KDM2B: variants seen among roughly 807,000 people sequenced by gnomAD.
KDM2B encodes the protein lysine-specific demethylase 2B.
In KDM2B, 26 loss-of-function variants were observed where a neutral mutation model predicts 150.0. The ratio of observed to expected loss-of-function variants is 0.17; its 90% CI spans 0.13 to 0.24. The LOEUF (loss-of-function observed/expected upper bound fraction) is 0.24. Ranked by LOEUF, KDM2B falls within the 10% of genes least tolerant of loss-of-function variation. The probability of loss-of-function intolerance (pLI) is 1.00; values close to 1 mark genes in which losing one functional copy is unlikely to be tolerated. For missense variants in KDM2B, 1,265 were observed against 1,816.9 expected (o/e 0.70, Z 5.52); for synonymous variants, 734 against 729.5 (o/e 1.01, Z -0.10).
chr12:121,545,639 T>A (rs1888975044), intron 6 of KDM2B, among the ~76,000 whole-genome samples: 1 of 152,122 alleles, frequency 6.6e-6, no homozygotes, highest in Admixed American at 6.5e-5. Context: ...TCCCTGCCCG[T>A]CACTCCCAAT....
intron 2 of KDM2B, among the ~76,000 whole-genome samples, chr12:121,576,897 G>A (rs544841597): frequency 6.6e-6 from 1 of 152,144 alleles, no homozygotes; most frequent in Non-Finnish European, 1.5e-5. Context: ...GGAGGAGGAG[G>A]CCAAGACAAC....
the KDM2B span, chr12:121,423,745 A>G: frequency 3.1e-6 from 2 of 637,318 alleles, no homozygotes; most frequent in Admixed American, 6.3e-5. The surrounding 1 kb of genome is among the most constrained non-coding windows in gnomAD (Gnocchi z 4.3). Flanking sequence ...ACATTGGTCC[A>G]TGCCGTGAGC....
At chr12:121,447,533 G>A (rs782770416) in intron 13 of KDM2B, among the ~76,000 whole-genome samples, 10 of 152,062 alleles carry the variant, frequency 6.6e-5, no homozygotes, top group Admixed American at 2.0e-4. Context: ...GTAAACCACC[G>A]CACCCGGCAA....
intron 11 of KDM2B, among the ~76,000 whole-genome samples, chr12:121,496,681 G>T (rs1883981847): frequency 6.6e-6 from 1 of 152,004 alleles, no homozygotes; most frequent in Non-Finnish European, 1.5e-5. Flanking sequence ...TTGTACAGAT[G>T]GGTTCTCACC....
chr12:121,471,605 G>C (rs1487133099), intron 12 of KDM2B, among the ~76,000 whole-genome samples: 2 of 152,130 alleles, frequency 1.3e-5, no homozygotes, highest in Non-Finnish European at 2.9e-5. Flanking sequence ...TCTAGGAATG[G>C]GCATGGGGAG....
At chr12:121,440,117 G>A (rs1381528522) in intron 21 of KDM2B, 42 bp from the exon 22 acceptor site, 16 of 1,465,178 alleles carry the variant, frequency 1.1e-5, no homozygotes, top group East Asian at 4.9e-5. Flanking sequence ...CAATCTGACC[G>A]AGGAGGCCTG....
rs944098105 is a variant in KDM2B at position 121,468,989 on chromosome 12, G to A, written c.1735-15645C>T. 7 of 152,006 alleles carry A rather than the reference G, an allele frequency of 4.6e-5. No homozygotes were observed. The highest frequency in any genetic ancestry group is 1.7e-4 in the African/African-American group (7 of 41,364). The allele number at this position is 152,006 out of a possible 1,614,324, so 9.4% of individuals were successfully genotyped here. A position where few individuals can be genotyped will look rare whatever the true frequency, so the allele number is the denominator to read the frequency against. Reference sequence around the variant, plus strand: ...GGCTCACTGCAACCTCCACCTCCTGGGTTCAATCGATTCGTGTGCCTCAGC... The same window carrying A: ...GGCTCACTGCAACCTCCACCTCCTGAGTTCAATCGATTCGTGTGCCTCAGC... On this transcript the variant is annotated intron_variant, in intron 12 of 22. Transcript: ENST00000377071. This position sits in a 1 kb window ranked among gnomAD's most constrained non-coding sequence, Gnocchi z 4.0.
intron 12 of KDM2B, among the ~76,000 whole-genome samples, chr12:121,475,747 G>T (rs1341111847): frequency 6.6e-6 from 1 of 151,118 alleles, no homozygotes. Context: ...ATTTTTTTTA[G>T]AAAGAAAATC....
In KDM2B at chr12:121,532,776, G is replaced by A. The variant is rs376485335; in HGVS notation, c.931+30C>T. 43 of 1,611,624 alleles carry A rather than the reference G, an allele frequency of 2.7e-5. No homozygotes were observed. In the African/African-American group the frequency reaches 4.4e-4, roughly 16 times the overall value. ...CTGGCTCAGGCCGCAGGAGACTCGAGGAGCCCAGAGAGTGCCCCTGGAAAC... is the reference window on the plus strand; with the variant it reads ...CTGGCTCAGGCCGCAGGAGACTCGAAGAGCCCAGAGAGTGCCCCTGGAAAC... On this transcript the variant is annotated intron_variant, in intron 8 of 22. Transcript: ENST00000377071.
rs1555290024 is a variant in KDM2B at position 121,445,438 on chromosome 12, A to G, written c.1960-20T>C. 1 of 1,574,346 alleles carries G rather than the reference A, an allele frequency of 6.4e-7. No individual in the cohort carries two copies. The highest frequency in any genetic ancestry group is 1.8e-5 in the Admixed American group (1 of 54,466). ...CACTGGCTGAGGAGCCAGGGAGAAC[A>G]AGACAAGTCATCAGGGGTGGGGAGC... On this transcript the variant is annotated intron_variant, in intron 13 of 22. Coordinates refer to ENST00000377071, the MANE Select transcript of KDM2B (RefSeq NM_032590.5).
intron 11 of KDM2B, among the ~76,000 whole-genome samples, chr12:121,498,108 T>G (rs1345625751): frequency 2.0e-5 from 3 of 151,838 alleles, no homozygotes; most frequent in African/African-American, 7.3e-5. Flanking sequence ...AATAAATAAA[T>G]AAATAAATAA....
chr12:121,555,903 T>C (rs74437239), intron 4 of KDM2B, among the ~76,000 whole-genome samples: 9,774 of 151,940 alleles, frequency 0.064, 551 homozygotes, highest in South Asian at 0.15. Flanking sequence ...TGAGACTGAA[T>C]TGGGTTTTTG....
chr12:121,418,085 C>A, the KDM2B span: 1 of 696,730 alleles, frequency 1.4e-6, no homozygotes, highest in South Asian at 1.9e-5. Context: ...ATAGTGTCTG[C>A]TGAGGTGCTA....
intron 12 of KDM2B, among the ~76,000 whole-genome samples, chr12:121,465,347 C>T (rs1156976094): frequency 6.6e-6 from 1 of 152,320 alleles, no homozygotes. Flanking sequence ...GATTCTCCTG[C>T]CTCAGCCTCC....
At chr12:121,446,582 G>A (rs1163244973) in intron 13 of KDM2B, among the ~76,000 whole-genome samples, 1 of 151,560 alleles carries the variant, frequency 6.6e-6, no homozygotes, top group African/African-American at 2.4e-5. Flanking sequence ...GAGCTGGGAG[G>A]TGAAATGGCC....
At chr12:121,524,684 C>T (rs954097274) in intron 8 of KDM2B, 4 of 454,308 alleles carry the variant, frequency 8.8e-6, no homozygotes, top group Admixed American at 2.4e-5. Flanking sequence ...ACCCCTCCTC[C>T]GATGGCCTCT....
intron 13 of KDM2B, among the ~76,000 whole-genome samples, chr12:121,446,129 C>T (rs577151457): frequency 5.2e-4 from 79 of 152,330 alleles, no homozygotes; most frequent in South Asian, 1.4e-3. Context: ...GGCGCGGTGG[C>T]TCACGCCTGT....
At chr12:121,412,618 A>T in the KDM2B span, among the ~76,000 whole-genome samples, 1 of 151,654 alleles carries the variant, frequency 6.6e-6, no homozygotes. Flanking sequence ...ACTTCATGTG[A>T]TCCACCCGCC....
the KDM2B span, chr12:121,418,193 G>A: frequency 5.4e-6 from 2 of 373,344 alleles, no homozygotes; most frequent in Non-Finnish European, 9.7e-6. Context: ...GACACTAACT[G>A]TTGAAGAAAT....
Sources: gnomAD v4.1 joint callset for allele counts (sites outside exome capture counted in the v4.1 genomes callset) on GRCh38, gnomAD v4.1.1 for gene constraint, Gnocchi (gnomAD v3.1) non-coding constraint, MANE v1.5 for transcripts, NCBI Gene and HGNC (gene_info 2026-07-23, HGNC 2026-07-21) for gene names.